TBL1X: variants seen among roughly 807,000 people sequenced by gnomAD.
TBL1X encodes the protein F-box-like/WD repeat-containing protein TBL1X.
In TBL1X, 10 loss-of-function variants were observed where a neutral mutation model predicts 50.7. The ratio of observed to expected loss-of-function variants is 0.20; its 90% CI spans 0.12 to 0.33. TBL1X has a LOEUF of 0.33. Ranked by LOEUF, TBL1X falls within the 10% of genes least tolerant of loss-of-function variation. TBL1X has a pLI of 1.00. For missense variants in TBL1X, 340 were observed against 504.4 expected (o/e 0.67, Z 3.12); for synonymous variants, 190 against 214.7 (o/e 0.88, Z 1.01).
rs187766153 is a variant in TBL1X at position 9,544,480 on chromosome X, T to C, written c.-131+42631T>C. On this transcript the variant is annotated intron_variant, in intron 2 of 17. Coordinates refer to ENST00000645353, the MANE Select transcript of TBL1X (RefSeq NM_005647.4). ...CGGCGTGGTACAAATGCAAAGTGAG[T>C]GGGTTTTTTTTTTTCCTTAAACGAC... Among the ~76,000 whole-genome samples the C allele has an allele frequency of 8.6e-3, 955 of 110,620 alleles. 9 individuals carry two copies. The highest frequency in any genetic ancestry group is 0.03 in the African/African-American group (905 of 30,484).
intron 2 of TBL1X, among the ~76,000 whole-genome samples, chrX:9,570,330 A>T (rs2082378394): frequency 1.8e-5 from 2 of 112,099 alleles, no homozygotes; most frequent in African/African-American, 6.5e-5. Flanking sequence ...AGAAAAGCTG[A>T]CTATCCACTT....
At chrX:9,466,248 C>A (rs1022759487) in intron 1 of TBL1X, among the ~76,000 whole-genome samples, 1 of 112,594 alleles carries the variant, frequency 8.9e-6, no homozygotes, top group South Asian at 3.6e-4. Context: ...AACGATGGGA[C>A]CGGTGCTCGG....
chrX:9,577,870 T>G (rs73188207), intron 2 of TBL1X, among the ~76,000 whole-genome samples: 4 of 112,167 alleles, frequency 3.6e-5, no homozygotes, highest in Non-Finnish European at 5.6e-5. Flanking sequence ...CCAGTTTGTA[T>G]TAAGTGTAAG....
intron 3 of TBL1X, among the ~76,000 whole-genome samples, chrX:9,651,011 CTTTTTTTTTTTTTTTT>C (rs572743375): frequency 1.3e-4 from 4 of 30,913 alleles, no homozygotes; most frequent in African/African-American, 2.7e-4. Context: ...AGCTGCCAGC[CTTTTTTTTTTTTTTTT>C]TTTTTTTTTT....
intron 2 of TBL1X, among the ~76,000 whole-genome samples, chrX:9,621,675 G>A (rs1218288879): frequency 8.9e-6 from 1 of 112,209 alleles, no homozygotes; most frequent in Non-Finnish European, 1.9e-5. Context: ...TCGTATAACA[G>A]CATCATTTGT....
In TBL1X at chrX:9,653,541, C is replaced by A; in HGVS notation, c.-42-4C>A. 2 of 1,108,545 alleles carry A rather than the reference C, an allele frequency of 1.8e-6. No homozygotes were observed. The highest frequency in any genetic ancestry group is 1.2e-6 in the Non-Finnish European group (1 of 825,826). 91.4% of individuals were successfully genotyped at this position (1,108,545 alleles called of 1,213,427 possible). ...CTGCCTTCTGTGTTCTGGTTTTCCA[C>A]CAGGAGCCCTGGCCTCCTTGCAGAA... On this transcript the variant is annotated splice_region_variant and splice_polypyrimidine_tract_variant and intron_variant, in intron 3 of 17. Coordinates refer to ENST00000645353, the MANE Select transcript of TBL1X (RefSeq NM_005647.4).
At chrX:9,548,478 A>G (rs1481098353) in intron 2 of TBL1X, among the ~76,000 whole-genome samples, 1 of 112,195 alleles carries the variant, frequency 8.9e-6, no homozygotes, top group East Asian at 2.8e-4. Flanking sequence ...ACCAGCAAAA[A>G]TGTCACCTTT....
intron 1 of TBL1X, among the ~76,000 whole-genome samples, chrX:9,494,003 G>A (rs1304911992): frequency 9.0e-6 from 1 of 111,193 alleles, no homozygotes; most frequent in Non-Finnish European, 1.9e-5. Context: ...CTCTGAGGTT[G>A]TTTTAGCACC....
intron 2 of TBL1X, among the ~76,000 whole-genome samples, chrX:9,575,020 A>G (rs1199468705): frequency 9.0e-6 from 1 of 111,524 alleles, no homozygotes; most frequent in Non-Finnish European, 1.9e-5. Context: ...GAACTACCTG[A>G]GACTGGGTAA....
chrX:9,707,232 C>G (rs1411549706), intron 13 of TBL1X, among the ~76,000 whole-genome samples: 5 of 111,132 alleles, frequency 4.5e-5, no homozygotes, highest in Non-Finnish European at 9.4e-5. Context: ...GCCCACCTCT[C>G]CCCACCCCTG....
At chrX:9,714,013 C>T (rs1240751867) in intron 16 of TBL1X, among the ~76,000 whole-genome samples, 2 of 110,990 alleles carry the variant, frequency 1.8e-5, no homozygotes, top group East Asian at 5.7e-4. Flanking sequence ...CGAAGTCTCA[C>T]TGTGTTGCCC....
chrX:9,528,908 G>A (rs1207686934), intron 2 of TBL1X, among the ~76,000 whole-genome samples: 1 of 110,781 alleles, frequency 9.0e-6, no homozygotes, highest in Non-Finnish European at 1.9e-5. Flanking sequence ...GAGATGGGGG[G>A]AAGCCCTGAA....
chrX:9,567,272 G>T (rs1003294505), intron 2 of TBL1X, among the ~76,000 whole-genome samples: 1 of 111,746 alleles, frequency 8.9e-6, no homozygotes, highest in African/African-American at 3.3e-5. Context: ...GGTGGAGAGT[G>T]TAGGCTGGTG....
chrX:9,465,869 G>A (rs1963341623), intron 1 of TBL1X, among the ~76,000 whole-genome samples: 1 of 113,243 alleles, frequency 8.8e-6, no homozygotes, highest in South Asian at 3.5e-4. Context: ...GAGGGCGGTG[G>A]CGGGATTTCC....
At chrX:9,568,824 C>A (rs2082367023) in intron 2 of TBL1X, among the ~76,000 whole-genome samples, 1 of 107,911 alleles carries the variant, frequency 9.3e-6, no homozygotes, top group African/African-American at 3.4e-5. Flanking sequence ...TTGTGTCTAT[C>A]TGTGCAGTGT....
At chrX:9,468,166 GGTTT>G (rs1321740270) in intron 1 of TBL1X, among the ~76,000 whole-genome samples, 3 of 112,338 alleles carry the variant, frequency 2.7e-5, no homozygotes, top group Admixed American at 1.9e-4. Context: ...TTCTTGTCTA[GGTTT>G]GTTCTTGTCC....
In TBL1X at chrX:9,514,968, C is replaced by T. The variant is rs187774036; in HGVS notation, c.-131+13119C>T. ...ACTTTCTTGGAGGCCGAGGTGGGAG[C>T]GTTGGTGACAACCCCCGGGAAGGCA... On this transcript the variant is annotated intron_variant, in intron 2 of 17. Transcript: ENST00000645353. 5.5e-4 allele frequency among the ~76,000 whole-genome samples: 61 copies of T among 111,587 alleles called. 1 individual carries two copies. Among genetic ancestry groups the T allele is most frequent in the African/African-American group, 2.0e-3 (60 of 30,743 alleles).
chrX:9,558,534 A>G (rs2082310870), intron 2 of TBL1X, among the ~76,000 whole-genome samples: 1 of 104,936 alleles, frequency 9.5e-6, no homozygotes, highest in African/African-American at 3.7e-5. Flanking sequence ...AAAAGGAAGG[A>G]AAAAAAAATA....
intron 1 of TBL1X, among the ~76,000 whole-genome samples, chrX:9,491,334 ATATATT>A (rs1195148193): frequency 5.6e-4 from 13 of 23,385 alleles, no homozygotes; most frequent in African/African-American, 1.1e-3. Flanking sequence ...ATATATATAT[ATATATT>A]TTTTTTTTTT....
Sources: gnomAD v4.1 joint callset for allele counts (sites outside exome capture counted in the v4.1 genomes callset) on GRCh38, gnomAD v4.1.1 for gene constraint, MANE v1.5 for transcripts, NCBI Gene and HGNC (gene_info 2026-07-23, HGNC 2026-07-21) for gene names.